FAM169A: variants seen among roughly 807,000 people sequenced by gnomAD.
The protein encoded by FAM169A is family with sequence similarity 169 member A, also known as soluble lamin-associated protein of 75 kDa.
FAM169A carries 24 observed loss-of-function variants against 75.7 expected under a neutral mutation model. That is an observed-to-expected ratio of 0.32 (90% CI 0.23 to 0.45). The LOEUF (loss-of-function observed/expected upper bound fraction) is 0.45. Among genes scored for constraint, FAM169A ranks in the 20% least tolerant of loss-of-function variants. FAM169A has a pLI of 1.00. For missense variants in FAM169A, 673 were observed against 784.0 expected (o/e 0.86, Z 1.69); for synonymous variants, 271 against 271.0 (o/e 1.00, Z 0.00).
intron 2 of FAM169A, 122 bp downstream of exon 2, chr5:74,841,423 T>C: frequency 2.7e-6 from 2 of 736,388 alleles, no homozygotes; most frequent in Non-Finnish European, 4.1e-6. Flanking sequence ...ACTGAATAGA[T>C]TTCTGTAAAG....
intron 5 of FAM169A, among the ~76,000 whole-genome samples, chr5:74,830,259 C>T (rs1233382599): frequency 2.6e-5 from 4 of 152,052 alleles, no homozygotes; most frequent in Non-Finnish European, 5.9e-5. Context: ...ATAAAACTAC[C>T]TATAATATAG....
chr5:74,842,583 GT>G (rs971479553), intron 1 of FAM169A, among the ~76,000 whole-genome samples: 6 of 146,414 alleles, frequency 4.1e-5, no homozygotes, highest in Non-Finnish European at 6.0e-5. Flanking sequence ...CCAGGCTTAA[GT>G]GCATTGGTGC....
In FAM169A at chr5:74,778,823, G is replaced by A. The variant is rs559447082; in HGVS notation, c.*2637C>T. 2 of 152,204 alleles carry A rather than the reference G, an allele frequency of 1.3e-5. No individual in the cohort carries two copies. The highest frequency in any genetic ancestry group is 1.9e-4 in the East Asian group (1 of 5,188). The allele number at this position is 152,204 out of a possible 1,614,324, so 9.4% of individuals were successfully genotyped here. On this transcript the variant is annotated 3_prime_UTR_variant, in exon 13 of 13. Transcript: ENST00000687041. ...AAGTTCACAAAGGACTATGTGTAATGTGACTGGACATTCAACAACTAGACT... is the reference window on the plus strand; with the variant it reads ...AAGTTCACAAAGGACTATGTGTAATATGACTGGACATTCAACAACTAGACT...
intron 1 of FAM169A, among the ~76,000 whole-genome samples, chr5:74,855,861 C>T (rs2112729147): frequency 6.6e-6 from 1 of 152,310 alleles, no homozygotes; most frequent in East Asian, 1.9e-4. Context: ...TTGCCCACGC[C>T]TATGCCCTGG....
chr5:74,834,416 A>G lies in FAM169A; in HGVS notation c.490+10T>C, dbSNP rs985302437. The G allele has an allele frequency of 7.0e-7, 1 of 1,432,774 alleles. No individual in the cohort carries two copies. The highest frequency in any genetic ancestry group is 1.4e-5 in the African/African-American group (1 of 69,574). 88.8% of individuals were successfully genotyped at this position (1,432,774 alleles called of 1,614,324 possible). ...ATAATACACAGTTTAAATAACTTTT[A>G]AAGACTCACCTGTAGGCTTAACTGA... On this transcript the variant is annotated intron_variant, in intron 5 of 12. Transcript: ENST00000687041.
chr5:74,825,770 T>C lies in FAM169A; in HGVS notation c.490+8656A>G, dbSNP rs569960056. Among the ~76,000 whole-genome samples the C allele has an allele frequency of 2.6e-5, 4 of 152,300 alleles. No individual in the cohort carries two copies. In the South Asian group the frequency reaches 6.2e-4, roughly 24 times the overall value. ...TTCATGTTGCTGTTGAGAACTCTAG[T>C]AACGTTTTGATTCTTGATCTTTTGT... On this transcript the variant is annotated intron_variant, in intron 5 of 12. Coordinates refer to ENST00000687041, the MANE Select transcript of FAM169A (RefSeq NM_001376049.1).
chr5:74,821,637 C>T (rs137941111), intron 5 of FAM169A, among the ~76,000 whole-genome samples: 4 of 152,272 alleles, frequency 2.6e-5, no homozygotes, highest in East Asian at 1.9e-4. Context: ...TGCTAGCTGC[C>T]GTAACAAACC....
chr5:74,842,934 T>C (rs1748959998), intron 1 of FAM169A, among the ~76,000 whole-genome samples: 1 of 151,930 alleles, frequency 6.6e-6, no homozygotes, highest in South Asian at 2.1e-4. Flanking sequence ...TATACTTAAC[T>C]GAAAAATTCA....
chr5:74,861,440 G>A (rs776689005), intron 1 of FAM169A, among the ~76,000 whole-genome samples: 17 of 152,056 alleles, frequency 1.1e-4, no homozygotes, highest in Non-Finnish European at 2.1e-4. Context: ...ACTAAATAAC[G>A]TATATCCAAA....
At chr5:74,860,187 G>A (rs1015152082) in intron 1 of FAM169A, among the ~76,000 whole-genome samples, 2 of 152,198 alleles carry the variant, frequency 1.3e-5, no homozygotes, top group African/African-American at 4.8e-5. Flanking sequence ...TTAAACTGTA[G>A]ATCTGCACTG....
intron 9 of FAM169A, 55 bp downstream of exon 9, chr5:74,801,535 A>T: frequency 7.6e-7 from 1 of 1,319,084 alleles, no homozygotes; most frequent in Non-Finnish European, 1.1e-6. Context: ...ACACACACAC[A>T]GCCCTAATTT....
chr5:74,786,441 A>T (rs970652140), intron 11 of FAM169A, among the ~76,000 whole-genome samples: 2 of 152,156 alleles, frequency 1.3e-5, no homozygotes, highest in African/African-American at 4.8e-5. Context: ...CTCTACTTCT[A>T]ATAGTATGGA....
At chr5:74,830,371 C>G (rs749141329) in intron 5 of FAM169A, among the ~76,000 whole-genome samples, 3 of 152,112 alleles carry the variant, frequency 2.0e-5, no homozygotes, top group Non-Finnish European at 2.9e-5. Context: ...GCCTAAAAAA[C>G]TGACAAGGAT....
intron 1 of FAM169A, among the ~76,000 whole-genome samples, chr5:74,856,272 T>C (rs1749699970): frequency 6.6e-6 from 1 of 152,214 alleles, no homozygotes; most frequent in Non-Finnish European, 1.5e-5. Flanking sequence ...CTGGGGTCTT[T>C]TGTGGTTCCA....
upstream of FAM169A, chr5:74,866,899 A>G (rs145787854): frequency 0.017 from 16,945 of 985,508 alleles, 150 homozygotes; most frequent in Admixed American, 0.021. Flanking sequence ...CCGCCCCACC[A>G]CTTTCATCCT....
chr5:74,840,526 TAA>T (rs35670470), intron 2 of FAM169A, among the ~76,000 whole-genome samples: 51 of 122,404 alleles, frequency 4.2e-4, no homozygotes, highest in Non-Finnish European at 4.3e-4. Flanking sequence ...ATTATCTAGT[TAA>T]AAAAAAAAAA....
At chr5:74,799,380 T>C (rs1433267364) in intron 10 of FAM169A, 6 of 1,612,778 alleles carry the variant, frequency 3.7e-6, no homozygotes, top group Non-Finnish European at 5.1e-6. Context: ...AGTCTGAAAA[T>C]GACTGGTGGG....
intron 1 of FAM169A, among the ~76,000 whole-genome samples, chr5:74,849,992 A>T (rs530390017): frequency 6.6e-6 from 1 of 152,214 alleles, no homozygotes; most frequent in East Asian, 1.9e-4. Flanking sequence ...AATGGGATTC[A>T]TATCTGTTGG....
At chr5:74,804,700 C>A in intron 7 of FAM169A, 95 bp from the exon 8 acceptor site, 1 of 650,246 alleles carries the variant, frequency 1.5e-6, no homozygotes, top group South Asian at 2.5e-5. Context: ...TGAAGAGCAG[C>A]CTGGACAGAA....
Sources: allele counts gnomAD v4.1 joint callset (sites outside exome capture counted in the v4.1 genomes callset), GRCh38; gene constraint gnomAD v4.1.1; transcripts MANE v1.5; gene names NCBI Gene and HGNC (gene_info 2026-07-23, HGNC 2026-07-21).